ACAD10: variants seen among roughly 807,000 people sequenced by gnomAD.
ACAD10 encodes the protein ACAD-10.
A neutral mutation model predicts 116.8 loss-of-function variants in ACAD10; 112 were observed. The ratio of observed to expected loss-of-function variants is 0.96; its 90% confidence interval spans 0.82 to 1.12. The LOEUF (loss-of-function observed/expected upper bound fraction) is 1.12. ACAD10 is among the 50% of genes most tolerant of loss of function. The pLI, the probability that ACAD10 is intolerant of heterozygous loss-of-function variation, is 0.00. For missense variants in ACAD10, 1,259 were observed against 1,350.2 expected (o/e 0.93, Z 1.06); for synonymous variants, 486 against 510.6 (o/e 0.95, Z 0.65).
chr12:111,746,237 T>C lies in ACAD10; in HGVS notation c.2209T>C (p.Tyr737His). The change falls in exon 14 of 21, where the codon TAT (tyrosine) becomes CAT (histidine). Residue 737 changes from tyrosine to histidine, a missense_variant. Physicochemically the swap from Tyr to His is moderately conservative, Grantham distance 83 (BLOSUM62 2). Coordinates refer to ENST00000313698, the MANE Select transcript of ACAD10 (RefSeq NM_025247.6). ...CGGAGCAGGACTGACCAATGTGGAA[T>C]ATGCACATCTGTGTGAGCTCATGGG... The part of the protein sequence containing the change: ...KYGAGLTNVE[Y>H]AHLCELMGTS... The C allele has an allele frequency of 1.2e-6, 2 of 1,613,990 alleles. No homozygotes were observed. Among genetic ancestry groups the C allele is most frequent in the South Asian group, 1.1e-5 (1 of 91,068 alleles).
rs1412986266 is a variant in ACAD10, at chr12:111,723,948, G to A, written c.1061+2209G>A. Among the ~76,000 whole-genome samples the A allele has an allele frequency of 2.5e-4, 37 of 150,962 alleles. 1 individual carries two copies. The highest frequency in any genetic ancestry group is 1.8e-4 in the Non-Finnish European group (12 of 67,688). ...CAGAGGCGCTCCTCACATCCCAGAC[G>A]GGGCGGCGGGGCAGAGGCGCTCCCC... On this transcript the variant is annotated intron_variant, in intron 8 of 20. Coordinates refer to ENST00000313698, the MANE Select transcript of ACAD10 (RefSeq NM_025247.6).
intron 11 of ACAD10, among the ~76,000 whole-genome samples, chr12:111,735,308 T>A (rs913859857): frequency 6.6e-6 from 1 of 152,108 alleles, no homozygotes; most frequent in African/African-American, 2.4e-5. Context: ...TAGTATTACT[T>A]CCCCTACTTC....
intron 9 of ACAD10, 68 bp downstream of exon 9, chr12:111,728,211 ATCGTTTTGGG>A: frequency 3.3e-6 from 5 of 1,497,776 alleles, no homozygotes; most frequent in Non-Finnish European, 4.5e-6. Context: ...TAGGATCTGA[ATCGTTTTGGG>A]TCGTTTTGAG....
In ACAD10 at chr12:111,692,799, G is replaced by A. The variant is rs571184926; in HGVS notation, c.90G>A (p.Gly30=). ...AACACACCCAGCGCAGGCACCAGGG[G>A]TCCCACCGATGGACACACCTTGGAG... ...FLKHTQRRHQ[G]SHRWTHLGGS... is the part of the protein sequence containing the mutation. Residue 30 remains glycine (G), a synonymous_variant, in exon 2 of 21, where the codon GGG becomes GGA. Transcript: ENST00000313698. The A allele has an allele frequency of 5.6e-6, 9 of 1,614,220 alleles. No individual in the cohort carries two copies. The highest frequency in any genetic ancestry group is 7.6e-6 in the Non-Finnish European group (9 of 1,180,040).
At chr12:111,746,099 T>C (rs764610245) in intron 13 of ACAD10, 45 bp from the exon 14 acceptor site, 2 of 1,594,822 alleles carry the variant, frequency 1.3e-6, no homozygotes, top group African/African-American at 2.7e-5. Context: ...CAAAATAAAA[T>C]GAAATCTTCC....
rs1888725068 is a variant in ACAD10, at chr12:111,712,779, G to T, written c.850+122G>T. 7.2e-6 allele frequency: 8 copies of T among 1,115,880 alleles called. No homozygotes were observed. The South Asian group carries it at 1.1e-4, about 15-fold the overall frequency. The allele number at this position is 1,115,880 out of a possible 1,614,324, so 69.1% of individuals were successfully genotyped here. ...AAGAAGCTTTACAGTGAGGAAAATA[G>T]CCATTGGGCCTGGTGCATCGGAGCA... On this transcript the variant is annotated intron_variant, in intron 6 of 20. Transcript: ENST00000313698.
At chr12:111,697,291 A>G (rs1247908581) in intron 2 of ACAD10, among the ~76,000 whole-genome samples, 1 of 151,966 alleles carries the variant, frequency 6.6e-6, no homozygotes, top group Non-Finnish European at 1.5e-5. Flanking sequence ...CGAAACTTCA[A>G]AATGTTTGAC....
intron 18 of ACAD10, among the ~76,000 whole-genome samples, chr12:111,749,926 C>T (rs1890024648): frequency 6.6e-6 from 1 of 151,502 alleles, no homozygotes; most frequent in Admixed American, 6.6e-5. Context: ...AGGCACGTGC[C>T]ACCACGCCCA....
At chr12:111,718,426 A>G (rs1888912977) in intron 7 of ACAD10, among the ~76,000 whole-genome samples, 1 of 151,938 alleles carries the variant, frequency 6.6e-6, no homozygotes, top group Admixed American at 6.6e-5. Context: ...CTAGCTAGGG[A>G]TTTATCAATT....
chr12:111,734,284 C>T (rs558097161), intron 11 of ACAD10, among the ~76,000 whole-genome samples: 6 of 152,262 alleles, frequency 3.9e-5, no homozygotes, highest in South Asian at 4.1e-4. Context: ...GTATAGGTAC[C>T]GCTTATGCTT....
chr12:111,733,997 G>T lies in ACAD10; in HGVS notation c.1469G>T (p.Gly490Val). The T allele has an allele frequency of 6.2e-7, 1 of 1,614,186 alleles. No homozygotes were observed. Among genetic ancestry groups the T allele is most frequent in the Non-Finnish European group, 8.5e-7 (1 of 1,180,034 alleles). ...CTTGACTGGGAACTTTCTACCTTGG[G>T]CGACCCCCTTGCTGATGTGGCCTAC... ...AVLDWELSTL[G>V]DPLADVAYSC... The change falls in exon 11 of 21, where the codon GGC (glycine) becomes GTC (valine). Residue 490 changes from glycine (G) to valine (V), a missense_variant. Physicochemically the swap from Gly to Val is moderately radical, Grantham distance 109. Coordinates refer to ENST00000313698, the MANE Select transcript of ACAD10 (RefSeq NM_025247.6).
At chr12:111,746,013 T>G in intron 13 of ACAD10, 131 bp from the exon 14 acceptor site, 1 of 1,160,130 alleles carries the variant, frequency 8.6e-7, no homozygotes, top group Non-Finnish European at 1.2e-6. Context: ...GCTCCTCATA[T>G]CATTTTTTTG....
At chr12:111,747,988 C>T (rs1239465034) in intron 16 of ACAD10, among the ~76,000 whole-genome samples, 1 of 152,116 alleles carries the variant, frequency 6.6e-6, no homozygotes, top group African/African-American at 2.4e-5. Flanking sequence ...GGCCCAGAGC[C>T]GTTATGTGTG....
chr12:111,733,942 C>T lies in ACAD10; in HGVS notation c.1414C>T (p.His472Tyr). The T allele has an allele frequency of 6.2e-7, 1 of 1,614,250 alleles. No individual in the cohort carries two copies. Among genetic ancestry groups the T allele is most frequent in the Non-Finnish European group, 8.5e-7 (1 of 1,180,044 alleles). The change falls in exon 11 of 21, where the codon CAT becomes TAT. Residue 472 changes from histidine (H) to tyrosine (Y), a missense_variant. Coordinates refer to ENST00000313698, the MANE Select transcript of ACAD10 (RefSeq NM_025247.6). ...TTTCAGGCTCGACAACCTGGTGTTT[C>T]ATCCAGAAGAGCCAGAGGTGCTTGC... is the stretch of plus-strand genomic sequence containing the variant. ...GDFRLDNLVF[H>Y]PEEPEVLAVL...
chr12:111,723,279 G>C (rs1397280889), intron 8 of ACAD10, among the ~76,000 whole-genome samples: 1 of 129,474 alleles, frequency 7.7e-6, no homozygotes, highest in Non-Finnish European at 1.7e-5. Context: ...GGGCAGAGGC[G>C]CCCCTCACCT....
Position 111,753,783 on chromosome 12 carries a change from C to T in ACAD10, c.2829C>T (p.Arg943=), listed in dbSNP as rs1337704405. 6.2e-7 allele frequency: 1 copy of T among 1,613,840 alleles called. No individual in the cohort carries two copies. Among genetic ancestry groups the T allele is most frequent in the Non-Finnish European group, 8.5e-7 (1 of 1,180,038 alleles). Residue 943 remains arginine (R), a synonymous_variant, in exon 19 of 21, where the codon CGC becomes CGT. Transcript: ENST00000313698. ...TCCTGTGTCGACAGGTGAAGTCCCG[C>T]TTGGCTTTTGGGAAGCCCCTGGTGG... The part of the protein sequence containing the change: ...LALMKARVKS[R]LAFGKPLVEQ...
intron 4 of ACAD10, among the ~76,000 whole-genome samples, chr12:111,706,782 A>ATATATATATTTTTTTTT (rs778649893): frequency 1.6e-5 from 2 of 126,504 alleles, no homozygotes; most frequent in African/African-American, 6.3e-5. Context: ...ATATATATAT[A>ATATATATATTTTTTTTT]TTTTTTTTTT....
Position 111,728,045 on chromosome 12 carries a change from G to A in ACAD10, c.1145G>A (p.Ser382Asn). ...KDPSLPGLEP[S>N]HRRAIYTAMN... ...CCTTCCCTGCCAGGCTTGGAGCCCA[G>A]CCACAGACGAGCCATATACACTGCC... Residue 382 changes from serine (S) to asparagine (N), a missense_variant, in exon 9 of 21, where the codon AGC (serine) becomes AAC (asparagine). Coordinates refer to ENST00000313698, the MANE Select transcript of ACAD10 (RefSeq NM_025247.6). 1 of 1,614,126 alleles carries A rather than the reference G, an allele frequency of 6.2e-7. No individual in the cohort carries two copies. Among genetic ancestry groups the A allele is most frequent in the Non-Finnish European group, 8.5e-7 (1 of 1,180,024 alleles).
At chr12:111,702,457 G>A (rs991159657) in intron 3 of ACAD10, 147 bp downstream of exon 3, 9 of 1,173,752 alleles carry the variant, frequency 7.7e-6, no homozygotes, top group East Asian at 2.6e-5. Context: ...TAGGCCAGGC[G>A]CAGTGGCTCA....
Sources: gnomAD v4.1 joint callset for allele counts (sites outside exome capture counted in the v4.1 genomes callset) on GRCh38, gnomAD v4.1.1 for gene constraint, MANE v1.5 for transcripts, NCBI Gene and HGNC (gene_info 2026-07-23, HGNC 2026-07-21) for gene names.